The following GGA2 variants were observed in gnomAD, a reference collection of about 807,000 sequenced individuals.
GGA2 encodes golgi associated, gamma adaptin ear containing, ARF binding protein 2.
A neutral mutation model predicts 79.5 loss-of-function variants in GGA2; 48 were observed. The ratio of observed to expected loss-of-function variants is 0.60; its 90% CI spans 0.48 to 0.77. The LOEUF is 0.77. Ranked by LOEUF, GGA2 falls within the 30% of genes least tolerant of loss-of-function variation. GGA2 has a pLI of 0.00. For synonymous variants in GGA2, 317 were observed against 302.0 expected (o/e 1.05, Z -0.51); for missense variants, 770 against 774.0 (o/e 0.99, Z 0.06).
At chr16:23,501,437 A>T (rs1789172260) in intron 1 of GGA2, 1 of 437,572 alleles carries the variant, frequency 2.3e-6, no homozygotes, top group South Asian at 1.6e-5. Flanking sequence ...ACTTGAGTTT[A>T]ATATTCATGT....
chr16:23,474,328 G>C (rs1322701803), intron 14 of GGA2, among the ~76,000 whole-genome samples: 2 of 152,056 alleles, frequency 1.3e-5, no homozygotes, highest in Admixed American at 1.3e-4. Context: ...ACTAAGGAAG[G>C]CTAAGAAATC....
At chr16:23,493,870 C>T (rs563133530) in intron 3 of GGA2, 2 of 293,268 alleles carry the variant, frequency 6.8e-6, no homozygotes, top group East Asian at 1.7e-4. Flanking sequence ...TCCTCTCGTC[C>T]ATACTGTGGC....
Position 23,491,554 on chromosome 16 carries a change from C to T in GGA2, c.475+123G>A, listed in dbSNP as rs1964787780. The T allele has an allele frequency of 6.9e-6, 4 of 577,114 alleles. No homozygotes were observed. In the East Asian group the frequency reaches 1.3e-4, roughly 19 times the overall value. The allele number at this position is 577,114 out of a possible 1,614,324, so 35.7% of individuals were successfully genotyped here. A position where few individuals can be genotyped will look rare whatever the true frequency, so the allele number is the denominator to read the frequency against. ...GTAAAAAAAAAAAAAAAAAACTCTA[C>T]CTCAGTGTCTATGGTCCTACATAAG... On this transcript the variant is annotated intron_variant, in intron 5 of 16. Coordinates refer to ENST00000309859, the MANE Select transcript of GGA2 (RefSeq NM_015044.4).
intron 4 of GGA2, among the ~76,000 whole-genome samples, chr16:23,492,225 C>A (rs142094545): frequency 6.6e-6 from 1 of 152,196 alleles, no homozygotes; most frequent in African/African-American, 2.4e-5. Context: ...TAATGACTTA[C>A]AGTGAGTGCC....
At chr16:23,496,369 G>C (rs1432657922) in intron 1 of GGA2, among the ~76,000 whole-genome samples, 1 of 151,040 alleles carries the variant, frequency 6.6e-6, no homozygotes, top group East Asian at 1.9e-4. Context: ...TCCACTTTTA[G>C]TGCAGAGGTT....
chr16:23,495,624 G>T, intron 2 of GGA2, 70 bp downstream of exon 2: 2 of 853,360 alleles, frequency 2.3e-6, no homozygotes, highest in South Asian at 3.3e-5. Context: ...AAACAGTCTT[G>T]AGAGACAAAG....
intron 13 of GGA2, among the ~76,000 whole-genome samples, chr16:23,477,177 C>A (rs1964585951): frequency 6.6e-6 from 1 of 152,124 alleles, no homozygotes; most frequent in Non-Finnish European, 1.5e-5. Context: ...GTCTTGAACT[C>A]CAGGGCTCAA....
chr16:23,486,649 G>A (rs1477704089), intron 7 of GGA2, 61 bp downstream of exon 7: 1 of 943,870 alleles, frequency 1.1e-6, no homozygotes, highest in Non-Finnish European at 1.8e-6. Context: ...AGGCTCATAT[G>A]CACTGTCCTT....
At chr16:23,494,429 C>T (rs750392949) in intron 2 of GGA2, 51 bp from the exon 3 acceptor site, 9 of 1,155,138 alleles carry the variant, frequency 7.8e-6, no homozygotes, top group Non-Finnish European at 1.2e-5. Flanking sequence ...AAGAAACTAA[C>T]CCGAGTGGCT....
chr16:23,480,676 G>A lies in GGA2; in HGVS notation c.975C>T (p.Thr325=). ...EGRVTFGNRV[T]SSLGDIPVSR... is the part of the protein sequence containing the mutation. ...AGACAGGGATGTCTCCCAATGAGCT[G>A]GTCACTCTGTTTCCAAAGGTGACCC... The change falls in exon 10 of 17, where the codon ACC becomes ACT. Residue 325 remains threonine, a synonymous_variant. Coordinates refer to ENST00000309859, the MANE Select transcript of GGA2 (RefSeq NM_015044.4). 6.2e-7 allele frequency: 1 copy of A among 1,613,402 alleles called. No individual in the cohort carries two copies. The highest frequency in any genetic ancestry group is 1.1e-5 in the South Asian group (1 of 91,056).
chr16:23,521,165 A>G (rs2142154493), intron 1 of GGA2, among the ~76,000 whole-genome samples: 1 of 152,314 alleles, frequency 6.6e-6, no homozygotes, highest in South Asian at 2.1e-4. Flanking sequence ...TCATTTTTAA[A>G]TATACAGTTC....
chr16:23,496,759 C>G (rs919609754), intron 1 of GGA2, among the ~76,000 whole-genome samples: 1 of 152,108 alleles, frequency 6.6e-6, no homozygotes, highest in Non-Finnish European at 1.5e-5. Context: ...GAGTTTGAGA[C>G]CAGCCTTGCC....
chr16:23,510,421 C>T lies in GGA2; in HGVS notation c.-10G>A, dbSNP rs1411396902. ...CCGCGGTCGCCGCCATCGCTCCAGC[C>T]CCGACGCTGCGGCCGCGGGCGCCAC... On this transcript the variant is annotated 5_prime_UTR_variant, in exon 1 of 17. Transcript: ENST00000309859. 1 of 1,188,710 alleles carries T rather than the reference C, an allele frequency of 8.4e-7. No homozygotes were observed. Among genetic ancestry groups the T allele is most frequent in the African/African-American group, 1.6e-5 (1 of 62,528 alleles). 73.6% of individuals were successfully genotyped at this position (1,188,710 alleles called of 1,614,324 possible).
At chr16:23,477,659 A>G (rs921433070) in intron 13 of GGA2, among the ~76,000 whole-genome samples, 6 of 152,134 alleles carry the variant, frequency 3.9e-5, no homozygotes, top group Non-Finnish European at 8.8e-5. Flanking sequence ...AGGCAAAAGA[A>G]TCGCTTGAAC....
intron 14 of GGA2, among the ~76,000 whole-genome samples, chr16:23,474,550 G>GCT (rs892311109): frequency 6.6e-5 from 10 of 152,050 alleles, no homozygotes; most frequent in Admixed American, 2.0e-4. Flanking sequence ...TAGAGAGAGG[G>GCT]CTTCGTTATG....
chr16:23,488,485 G>T, intron 6 of GGA2, 121 bp downstream of exon 6: 1 of 725,638 alleles, frequency 1.4e-6, no homozygotes, highest in Non-Finnish European at 2.5e-6. Flanking sequence ...CTAAGGGCCT[G>T]TCTGGAGAGG....
At chr16:23,498,558 T>C (rs549269000) in intron 1 of GGA2, among the ~76,000 whole-genome samples, 1 of 152,160 alleles carries the variant, frequency 6.6e-6, no homozygotes, top group Non-Finnish European at 1.5e-5. Context: ...TGAGGCCCCA[T>C]CTCTACAAAT....
chr16:23,491,386 T>C (rs950380521), intron 5 of GGA2, among the ~76,000 whole-genome samples: 7 of 151,520 alleles, frequency 4.6e-5, no homozygotes, highest in African/African-American at 1.7e-4. Context: ...AGTGCTTTAG[T>C]GACATAGGTA....
At chr16:23,482,579 C>T (rs745672298) in intron 9 of GGA2, among the ~76,000 whole-genome samples, 17 of 152,160 alleles carry the variant, frequency 1.1e-4, no homozygotes, top group South Asian at 2.1e-4. Context: ...TACAAAAGCC[C>T]GTGATCCCCT....
Sources: allele counts gnomAD v4.1 joint callset (sites outside exome capture counted in the v4.1 genomes callset), GRCh38; gene constraint gnomAD v4.1.1; transcripts MANE v1.5; gene names NCBI Gene and HGNC (gene_info 2026-07-23, HGNC 2026-07-21).